Variants in SNX16 observed in about 807,000 individuals in gnomAD.
The protein encoded by SNX16 is sorting nexin-16.
A neutral mutation model predicts 36.7 loss-of-function variants in SNX16; 35 were observed. The observed-to-expected ratio is 0.95, with a 90% confidence interval of 0.73 to 1.27. The LOEUF (loss-of-function observed/expected upper bound fraction) is 1.27. SNX16 is among the 50% of genes most tolerant of loss of function. The pLI is 0.00. For missense variants in SNX16, 367 were observed against 393.6 expected (o/e 0.93, Z 0.57); for synonymous variants, 134 against 132.0 (o/e 1.02, Z -0.10).
chr8:81,837,453 G>C (rs1471305363), intron 2 of SNX16, among the ~76,000 whole-genome samples: 1 of 152,142 alleles, frequency 6.6e-6, no homozygotes, highest in South Asian at 2.1e-4. Context: ...TTGGTAGCTT[G>C]TAAACAAAGA....
At chr8:81,823,224 A>G (rs2635490) in intron 4 of SNX16, among the ~76,000 whole-genome samples, 60,814 of 151,222 alleles carry the variant, frequency 0.4, 12,949 homozygotes, top group African/African-American at 0.48. Flanking sequence ...ATCTGATAAC[A>G]TAAGTTCCAA....
intron 3 of SNX16, among the ~76,000 whole-genome samples, chr8:81,828,267 A>C (rs1470787): frequency 0.25 from 37,230 of 151,954 alleles, 5,163 homozygotes; most frequent in East Asian, 0.37. Flanking sequence ...ATTATGCAAA[A>C]CTTTTGGGTA....
intron 5 of SNX16, among the ~76,000 whole-genome samples, chr8:81,809,729 A>G (rs1260022100): frequency 1.3e-5 from 2 of 152,246 alleles, no homozygotes; most frequent in African/African-American, 4.8e-5. Context: ...ATTGTTGGTA[A>G]AAGTACAAAC....
intron 7 of SNX16, 93 bp from the exon 8 acceptor site, chr8:81,801,686 C>T: frequency 1.6e-6 from 1 of 636,734 alleles, no homozygotes; most frequent in Non-Finnish European, 2.4e-6. Context: ...AATCTTCTAC[C>T]TTATAGAAAA....
intron 6 of SNX16, among the ~76,000 whole-genome samples, 166 bp from the exon 7 acceptor site, chr8:81,802,665 A>G (rs1189794002): frequency 1.3e-5 from 2 of 151,864 alleles, no homozygotes; most frequent in Non-Finnish European, 3.0e-5. Context: ...ATCAGTAGCT[A>G]TGATTAATTT....
chr8:81,813,032 T>C (rs1168415122), intron 5 of SNX16, among the ~76,000 whole-genome samples: 4 of 151,688 alleles, frequency 2.6e-5, no homozygotes, highest in African/African-American at 9.7e-5. Context: ...AAAGGAGGAA[T>C]GGGATGGAGA....
chr8:81,834,049 C>T (rs1378676830), intron 2 of SNX16, among the ~76,000 whole-genome samples: 2 of 152,160 alleles, frequency 1.3e-5, no homozygotes, highest in African/African-American at 2.4e-5. Flanking sequence ...TTTCATGCTG[C>T]TGAGAGACAT....
At chr8:81,819,762 A>C (rs1810650987) in intron 4 of SNX16, among the ~76,000 whole-genome samples, 1 of 152,072 alleles carries the variant, frequency 6.6e-6, no homozygotes, top group Admixed American at 6.6e-5. Flanking sequence ...TTTTATCTGC[A>C]TCCTTACTTT....
intron 6 of SNX16, 92 bp from the exon 7 acceptor site, chr8:81,802,591 G>A: frequency 9.1e-7 from 1 of 1,098,710 alleles, no homozygotes; most frequent in Middle Eastern, 2.1e-4. Context: ...GCAGTCTTTA[G>A]CTGTTAAGCC....
intron 5 of SNX16, among the ~76,000 whole-genome samples, chr8:81,804,308 A>T (rs1809838683): frequency 1.3e-5 from 2 of 152,068 alleles, no homozygotes; most frequent in Non-Finnish European, 2.9e-5. Context: ...ATCCCAAAAG[A>T]AAGAGTAGGA....
chr8:81,826,447 C>T (rs1586008755), intron 3 of SNX16, among the ~76,000 whole-genome samples: 1 of 152,056 alleles, frequency 6.6e-6, no homozygotes, highest in East Asian at 1.9e-4. Flanking sequence ...CAGCTTTGTC[C>T]TACTGCTGTA....
intron 6 of SNX16, among the ~76,000 whole-genome samples, 157 bp downstream of exon 6, chr8:81,802,935 T>C (rs1809769327): frequency 6.6e-6 from 1 of 151,762 alleles, no homozygotes; most frequent in Non-Finnish European, 1.5e-5. Context: ...AGCAAAATTA[T>C]GCTAAATAAA....
chr8:81,810,323 C>A (rs894600633), intron 5 of SNX16, among the ~76,000 whole-genome samples: 2 of 152,102 alleles, frequency 1.3e-5, no homozygotes, highest in Admixed American at 1.3e-4. Context: ...AAATAGGGAA[C>A]AGAGAAAAGT....
At chr8:81,837,414 T>C (rs1428540386) in intron 2 of SNX16, among the ~76,000 whole-genome samples, 1 of 152,216 alleles carries the variant, frequency 6.6e-6, no homozygotes, top group Non-Finnish European at 1.5e-5. Context: ...CTTAGTCTGT[T>C]AGGTCTGTTA....
At chr8:81,810,629 CTGTT>C (rs1398874386) in intron 5 of SNX16, among the ~76,000 whole-genome samples, 1 of 152,152 alleles carries the variant, frequency 6.6e-6, no homozygotes, top group Non-Finnish European at 1.5e-5. Flanking sequence ...CCATATTACT[CTGTT>C]GAGTGTATAA....
At chr8:81,802,921 A>G (rs541357985) in intron 6 of SNX16, among the ~76,000 whole-genome samples, 171 bp downstream of exon 6, 30 of 151,946 alleles carry the variant, frequency 2.0e-4, no homozygotes, top group African/African-American at 7.0e-4. Context: ...TTCAAAATTT[A>G]TTTAGCAAAA....
At chr8:81,820,759 T>C (rs1810706410) in intron 4 of SNX16, among the ~76,000 whole-genome samples, 1 of 151,942 alleles carries the variant, frequency 6.6e-6, no homozygotes, top group Admixed American at 6.6e-5. Context: ...TCATACCAAG[T>C]AGCAATTCAC....
At chr8:81,807,786 G>A in intron 5 of SNX16, 1 of 717,472 alleles carries the variant, frequency 1.4e-6, no homozygotes, top group Non-Finnish European at 2.6e-6. Flanking sequence ...CTAAGTCAGA[G>A]TCTCCTAAAG....
chr8:81,812,772 T>G (rs896139484), intron 5 of SNX16, among the ~76,000 whole-genome samples: 4 of 152,112 alleles, frequency 2.6e-5, no homozygotes, highest in African/African-American at 9.6e-5. Context: ...TCCCATTTCT[T>G]AAGTTCTTTA....
Sources: allele counts gnomAD v4.1 joint callset (sites outside exome capture counted in the v4.1 genomes callset), GRCh38; gene constraint gnomAD v4.1.1; transcripts MANE v1.5; gene names NCBI Gene and HGNC (gene_info 2026-07-23, HGNC 2026-07-21).